The following AKR1C1 variants were observed in gnomAD, a reference collection of about 807,000 sequenced individuals.
The protein encoded by AKR1C1 is aldo-keto reductase family 1 member C1, also known as 20 alpha-hydroxysteroid dehydrogenase.
In AKR1C1, 32 loss-of-function variants were observed where a neutral mutation model predicts 40.6. The ratio of observed to expected loss-of-function variants is 0.79; its 90% CI spans 0.60 to 1.06. The LOEUF is 1.06. Ranked by LOEUF, AKR1C1 falls within the 50% of genes least tolerant of loss-of-function variation. The pLI is 0.00. For synonymous variants in AKR1C1, 105 were observed against 134.2 expected (o/e 0.78, Z 1.50); for missense variants, 320 against 363.5 (o/e 0.88, Z 0.97).
chr10:4,968,784 A>G (rs776794757), intron 4 of AKR1C1, 38 bp from the exon 5 acceptor site: 23 of 1,613,754 alleles, frequency 1.4e-5, no homozygotes, highest in Non-Finnish European at 1.9e-5. Context: ...TGTCACATTT[A>G]TCTTGATCTT....
intron 5 of AKR1C1, chr10:4,970,042 T>C: frequency 3.0e-6 from 1 of 329,774 alleles, no homozygotes. Flanking sequence ...CATGTTACCA[T>C]TTATATTCAA....
chr10:4,966,944 T>G lies in AKR1C1; in HGVS notation c.270T>G (p.His90Gln), dbSNP rs772713650. The G allele has an allele frequency of 6.2e-7, 1 of 1,613,346 alleles. No homozygotes were observed. The highest frequency in any genetic ancestry group is 1.1e-5 in the South Asian group (1 of 90,924). The change falls in exon 3 of 9, where the codon CAT (histidine) becomes CAG (glutamine). Residue 90 changes from histidine (H) to glutamine (Q), a missense_variant. Physicochemically the swap from His to Gln is conservative, Grantham distance 24 (BLOSUM62 0). Around this residue, in one of 3 missense-constraint regions of AKR1C1, gnomAD observed 214 missense variants for 214.8 expected, o/e 1.00. Coordinates refer to ENST00000380872, the MANE Select transcript of AKR1C1 (RefSeq NM_001353.6). ...CTCTGCAGCTTTGGTGCAATTCCCA[T>G]CGACCAGAGTTGGTCCGACCAGCCT... ...FYTSKLWCNS[H>Q]RPELVRPALE... is the part of the protein sequence containing the mutation.
chr10:4,974,146 T>A (rs564440497), intron 7 of AKR1C1, among the ~76,000 whole-genome samples: 11 of 151,722 alleles, frequency 7.3e-5, no homozygotes, highest in African/African-American at 2.4e-4. Flanking sequence ...TTTTTAGACA[T>A]TAGAAAACCC....
At chr10:4,964,891 T>C (rs1203765541) in intron 1 of AKR1C1, among the ~76,000 whole-genome samples, 1 of 152,246 alleles carries the variant, frequency 6.6e-6, no homozygotes, top group Non-Finnish European at 1.5e-5. Flanking sequence ...CTGTTTCCCA[T>C]ATAAACCTGC....
chr10:4,966,403 C>G (rs1044757062), intron 2 of AKR1C1, among the ~76,000 whole-genome samples: 1 of 152,166 alleles, frequency 6.6e-6, no homozygotes, highest in African/African-American at 2.4e-5. Flanking sequence ...GAGTTTCTTA[C>G]ACTTGTTATG....
At chr10:4,974,936 G>GT (rs2131647563) in intron 7 of AKR1C1, among the ~76,000 whole-genome samples, 1 of 152,116 alleles carries the variant, frequency 6.6e-6, no homozygotes, top group Admixed American at 6.5e-5. Context: ...GCAAATAAAT[G>GT]TTTAGTCTCT....
Position 4,982,906 on chromosome 10 carries a change from C to G in AKR1C1, c.*5164C>G. The G allele has an allele frequency of 2.2e-6, 1 of 444,966 alleles. No homozygotes were observed. Among genetic ancestry groups the G allele is most frequent in the Non-Finnish European group, 4.5e-6 (1 of 221,768 alleles). 27.6% of individuals were successfully genotyped at this position (444,966 alleles called of 1,614,324 possible). A position where few individuals can be genotyped will look rare whatever the true frequency, so the allele number is the denominator to read the frequency against. ...CCCTGACCAGTCAGAGGTCTTGAGT[C>G]GGTCCGCATGACAAGTTCACCGCTC... On this transcript the variant is annotated 3_prime_UTR_variant, in exon 9 of 9. Coordinates refer to ENST00000380872, the MANE Select transcript of AKR1C1 (RefSeq NM_001353.6).
At position 4,980,558 on chromosome 10, in the gene AKR1C1, C is replaced by T. The variant is rs1481016457; in HGVS notation, c.*2816C>T. The T allele has an allele frequency of 2.0e-5, 3 of 148,058 alleles. No individual in the cohort carries two copies. Among genetic ancestry groups the T allele is most frequent in the African/African-American group, 7.4e-5 (3 of 40,542 alleles). 9.2% of individuals were successfully genotyped at this position (148,058 alleles called of 1,614,324 possible). On this transcript the variant is annotated 3_prime_UTR_variant, in exon 9 of 9. Coordinates refer to ENST00000380872, the MANE Select transcript of AKR1C1 (RefSeq NM_001353.6). ...GCTGCCTTTCCAACAGTGTTTACAA[C>T]GGTTTCCTAAGAAATGAAATCCATT...
chr10:4,965,861 A>G, intron 1 of AKR1C1, 53 bp from the exon 2 acceptor site: 1 of 1,571,894 alleles, frequency 6.4e-7, no homozygotes, highest in East Asian at 2.2e-5. Flanking sequence ...TTGTGCCTGA[A>G]CTAACTCTCA....
chr10:4,969,796 T>G, intron 5 of AKR1C1: 1 of 1,541,036 alleles, frequency 6.5e-7, no homozygotes, highest in Non-Finnish European at 8.8e-7. Context: ...CTTTTCCCAG[T>G]AAATTACATT....
At chr10:4,974,800 AAAGT>A (rs1836500523) in intron 7 of AKR1C1, among the ~76,000 whole-genome samples, 2 of 152,120 alleles carry the variant, frequency 1.3e-5, no homozygotes, top group Non-Finnish European at 1.5e-5. Context: ...ATGATGTTAA[AAAGT>A]AAGTTTCACT....
At chr10:4,966,900 A>C (rs1836341897) in intron 2 of AKR1C1, 27 bp from the exon 3 acceptor site, 2 of 1,588,322 alleles carry the variant, frequency 1.3e-6, no homozygotes, top group East Asian at 4.5e-5. Context: ...TTTTCATTAC[A>C]CAACTTCCTT....
intron 2 of AKR1C1, among the ~76,000 whole-genome samples, chr10:4,966,406 T>C (rs1836335094): frequency 6.6e-6 from 1 of 152,210 alleles, no homozygotes; most frequent in Non-Finnish European, 1.5e-5. Flanking sequence ...TTTCTTACAC[T>C]TGTTATGATT....
intron 1 of AKR1C1, chr10:4,963,894 G>T: frequency 1.3e-6 from 1 of 762,486 alleles, no homozygotes; most frequent in Non-Finnish European, 2.4e-6. Flanking sequence ...TATGGCAAAA[G>T]TTAGTGGAGA....
At chr10:4,969,778 T>A in intron 5 of AKR1C1, 1 of 1,591,244 alleles carries the variant, frequency 6.3e-7, no homozygotes, top group Non-Finnish European at 8.6e-7. Flanking sequence ...AGCATTAAAG[T>A]TACTACACTT....
intron 5 of AKR1C1, among the ~76,000 whole-genome samples, chr10:4,970,248 A>C (rs1191764427): frequency 6.6e-6 from 1 of 152,212 alleles, no homozygotes; most frequent in Non-Finnish European, 1.5e-5. Context: ...TAGTGCCCTC[A>C]TGTCATTTGG....
At position 4,981,752 on chromosome 10, in the gene AKR1C1, C is replaced by T. The variant is rs116911347; in HGVS notation, c.*4010C>T. The T allele has an allele frequency of 0.022, 3,312 of 151,160 alleles. 51 individuals are homozygous for T. The highest frequency in any genetic ancestry group is 0.032 in the Non-Finnish European group (2,164 of 67,258). 9.4% of individuals were successfully genotyped at this position (151,160 alleles called of 1,614,324 possible). A position where few individuals can be genotyped will look rare whatever the true frequency, so the allele number is the denominator to read the frequency against. Reference sequence around the variant, plus strand: ...CACAAGAGAAGGCTTTGATCCTGTGCGGACAAGTGCCTTGAGCAGAATCCA... The same window carrying T: ...CACAAGAGAAGGCTTTGATCCTGTGTGGACAAGTGCCTTGAGCAGAATCCA... On this transcript the variant is annotated 3_prime_UTR_variant, in exon 9 of 9. Transcript: ENST00000380872.
rs1236258670 is a variant in AKR1C1, at chr10:4,978,434, T to C, written c.*692T>C. On this transcript the variant is annotated 3_prime_UTR_variant, in exon 9 of 9. Coordinates refer to ENST00000380872, the MANE Select transcript of AKR1C1 (RefSeq NM_001353.6). Reference sequence around the variant, plus strand: ...CTTTTTTTTGAACATTATATCTTGCTCATAAAAGAAAACTTTCCACATTGT... The same window carrying C: ...CTTTTTTTTGAACATTATATCTTGCCCATAAAAGAAAACTTTCCACATTGT... 2 of 151,584 alleles carry C rather than the reference T, an allele frequency of 1.3e-5. No individual in the cohort carries two copies. The highest frequency in any genetic ancestry group is 4.9e-5 in the African/African-American group (2 of 41,050). 9.4% of individuals were successfully genotyped at this position (151,584 alleles called of 1,614,324 possible).
intron 5 of AKR1C1, among the ~76,000 whole-genome samples, chr10:4,971,624 A>C (rs1836429547): frequency 6.7e-6 from 1 of 149,244 alleles, no homozygotes; most frequent in Admixed American, 6.7e-5. Flanking sequence ...CATTTGAGAT[A>C]TCAACATACA....
Sources: gnomAD v4.1 joint callset for allele counts (sites outside exome capture counted in the v4.1 genomes callset) on GRCh38, gnomAD v4.1.1 for gene constraint, gnomAD v4.1.1 regional missense constraint, MANE v1.5 for transcripts, NCBI Gene and HGNC (gene_info 2026-07-23, HGNC 2026-07-21) for gene names.